CFAP54: variants seen among roughly 807,000 people sequenced by gnomAD.
CFAP54 encodes cilia and flagella associated protein 54.
CFAP54 carries 290 observed loss-of-function variants against 370.4 expected under a neutral mutation model. The observed-to-expected ratio is 0.78, with a 90% CI of 0.71 to 0.86. The LOEUF (loss-of-function observed/expected upper bound fraction) is 0.86, where lower values mean the gene tolerates loss of function less well. Ranked by LOEUF, CFAP54 falls within the 40% of genes least tolerant of loss-of-function variation. The probability of loss-of-function intolerance (pLI) is 0.00; values close to 1 mark genes in which losing one functional copy is unlikely to be tolerated. For synonymous variants in CFAP54, 1,206 were observed against 1,236.5 expected (o/e 0.98, Z 0.52); for missense variants, 3,399 against 3,528.7 (o/e 0.96, Z 0.93).
intron 58 of CFAP54, 23 bp from the exon 59 acceptor site, chr12:96,764,126 CAT>C: frequency 6.7e-7 from 1 of 1,503,492 alleles, no homozygotes; most frequent in Non-Finnish European, 9.2e-7. Context: ...AACTTTATAT[CAT>C]AACACATTTG....
At chr12:96,795,298 G>A (rs1282584260) in intron 63 of CFAP54, among the ~76,000 whole-genome samples, 1 of 152,160 alleles carries the variant, frequency 6.6e-6, no homozygotes, top group African/African-American at 2.4e-5. Flanking sequence ...GGGTTGCCTG[G>A]ATAAATATTT....
intron 65 of CFAP54, among the ~76,000 whole-genome samples, chr12:96,820,724 G>A (rs1800275605): frequency 6.6e-6 from 1 of 152,060 alleles, no homozygotes; most frequent in African/African-American, 2.4e-5. Flanking sequence ...GAGGTTTTAT[G>A]GCTATAACTA....
At chr12:96,675,245 AAAAC>A (rs1470652873) in intron 39 of CFAP54, among the ~76,000 whole-genome samples, 6 of 152,348 alleles carry the variant, frequency 3.9e-5, no homozygotes, top group Middle Eastern at 3.4e-3. Context: ...TTACAAGAAA[AAAAC>A]AAACAACCCC....
rs1958939842 is a variant in CFAP54, at chr12:96,812,739, T to C, written c.8957+897T>C. Among the ~76,000 whole-genome samples the C allele has an allele frequency of 2.6e-5, 4 of 152,254 alleles. No homozygotes were observed. The South Asian group carries it at 8.3e-4, about 31-fold the overall frequency. ...TTTCTCTGTCCTTCCTTTGAGAGTC[T>C]TGTTTATGTTCCATGATTTTCATTT... On this transcript the variant is annotated intron_variant, in intron 64 of 67. Transcript: ENST00000524981.
At chr12:96,510,708 C>A (rs1318835442) in intron 4 of CFAP54, among the ~76,000 whole-genome samples, 1 of 151,878 alleles carries the variant, frequency 6.6e-6, no homozygotes, top group African/African-American at 2.4e-5. Flanking sequence ...TGGTGGCTCA[C>A]GCTTCTCATC....
Position 96,564,543 on chromosome 12 carries a change from A to G in CFAP54, c.2486A>G (p.Asp829Gly). 1.4e-6 allele frequency: 1 copy of G among 696,194 alleles called. No individual in the cohort carries two copies. The highest frequency in any genetic ancestry group is 2.7e-5 in the East Asian group (1 of 36,980). 43.1% of individuals were successfully genotyped at this position (696,194 alleles called of 1,614,324 possible). The change falls in exon 18 of 68, where the codon GAT becomes GGT. Residue 829 changes from aspartate (D) to glycine (G), a missense_variant. Transcript: ENST00000524981. Reference sequence around the variant, plus strand: ...AAGTTAAAACAATCTGGAAGCACTGATTGTTTTACAGGTAATTAAAATTGG... The same window carrying G: ...AAGTTAAAACAATCTGGAAGCACTGGTTGTTTTACAGGTAATTAAAATTGG... ...PEKLKQSGST[D>G]CFTELNIMNK...
At chr12:96,641,586 C>G (rs1320900947) in intron 32 of CFAP54, among the ~76,000 whole-genome samples, 1 of 151,976 alleles carries the variant, frequency 6.6e-6, no homozygotes, top group Non-Finnish European at 1.5e-5. Flanking sequence ...GGGTATATAC[C>G]CAAAGGATTA....
intron 63 of CFAP54, among the ~76,000 whole-genome samples, chr12:96,800,126 A>G (rs1358869761): frequency 6.6e-6 from 1 of 152,232 alleles, no homozygotes; most frequent in Non-Finnish European, 1.5e-5. Flanking sequence ...TCACAAGGTC[A>G]CAGAAACACC....
intron 33 of CFAP54, 139 bp from the exon 34 acceptor site, chr12:96,647,736 G>C: frequency 1.4e-6 from 1 of 690,900 alleles, no homozygotes. Flanking sequence ...GTTGGGCTTT[G>C]ATTAAGTGAC....
In CFAP54 at chr12:96,559,720, G is replaced by A. The variant is rs553009695; in HGVS notation, c.2411-4748G>A. Among the ~76,000 whole-genome samples, 132 of 152,078 alleles carry A rather than the reference G, an allele frequency of 8.7e-4. 1 individual carries two copies. The highest frequency in any genetic ancestry group is 3.0e-3 in the African/African-American group (124 of 41,512). ...TAGGCTGAGAAGTTGCAGACATTAT[G>A]ATATATTTTACCCCTGAAAACTGTA... On this transcript the variant is annotated intron_variant, in intron 17 of 67. Coordinates refer to ENST00000524981, the MANE Select transcript of CFAP54 (RefSeq NM_001306084.2).
chr12:96,635,904 C>G (rs918500205), intron 32 of CFAP54, among the ~76,000 whole-genome samples: 1 of 152,128 alleles, frequency 6.6e-6, no homozygotes, highest in Non-Finnish European at 1.5e-5. Flanking sequence ...CACCACCCTC[C>G]TAGCTTGTGG....
chr12:96,838,853 T>A (rs923844230), intron 66 of CFAP54, among the ~76,000 whole-genome samples: 2 of 152,208 alleles, frequency 1.3e-5, no homozygotes, highest in Non-Finnish European at 2.9e-5. Context: ...TGGATGATTG[T>A]TTTGCACAAA....
At chr12:96,497,935 C>T (rs1221026124) in intron 1 of CFAP54, among the ~76,000 whole-genome samples, 3 of 152,320 alleles carry the variant, frequency 2.0e-5, no homozygotes, top group Middle Eastern at 3.4e-3. Context: ...AACTGAGTAG[C>T]TTTCAATGAA....
chr12:96,557,331 A>C (rs1478292786), intron 17 of CFAP54, among the ~76,000 whole-genome samples: 3 of 152,210 alleles, frequency 2.0e-5, no homozygotes, highest in Non-Finnish European at 4.4e-5. Flanking sequence ...AATAAGCAAA[A>C]GAAAGAAGGA....
At chr12:96,543,233 A>G (rs1362774466) in intron 14 of CFAP54, among the ~76,000 whole-genome samples, 1 of 152,214 alleles carries the variant, frequency 6.6e-6, no homozygotes, top group Non-Finnish European at 1.5e-5. Context: ...AGATTCTGAG[A>G]CAATGATTTG....
rs142147347 is a variant in CFAP54, at chr12:96,781,362, A to G, written c.8282-3355A>G. Among the ~76,000 whole-genome samples, 14 of 152,312 alleles carry G rather than the reference A, an allele frequency of 9.2e-5. 1 individual carries two copies. The East Asian group carries it at 2.7e-3, about 29-fold the overall frequency. On this transcript the variant is annotated intron_variant, in intron 60 of 67. Coordinates refer to ENST00000524981, the MANE Select transcript of CFAP54 (RefSeq NM_001306084.2). ...CTTATTTAGAGACTGGCGTGAGTAA[A>G]AACAATCCATTTGACCTTTGTGCTG...
intron 49 of CFAP54, among the ~76,000 whole-genome samples, chr12:96,718,836 C>T (rs952741495): frequency 6.6e-6 from 1 of 152,138 alleles, no homozygotes; most frequent in Admixed American, 6.5e-5. Context: ...GTCGGGAGTT[C>T]AAGACCAGCC....
chr12:96,712,978 C>T (rs1957631696), intron 48 of CFAP54, among the ~76,000 whole-genome samples: 1 of 151,898 alleles, frequency 6.6e-6, no homozygotes, highest in African/African-American at 2.4e-5. Flanking sequence ...AAATCAAAAC[C>T]ACAATGAGAT....
intron 29 of CFAP54, among the ~76,000 whole-genome samples, chr12:96,626,166 C>T (rs1006441223): frequency 1.3e-5 from 2 of 151,988 alleles, no homozygotes; most frequent in African/African-American, 2.4e-5. Flanking sequence ...GGCAGATCAC[C>T]TGAGGTCAGG....
Sources: gnomAD v4.1 joint callset for allele counts (sites outside exome capture counted in the v4.1 genomes callset) on GRCh38, gnomAD v4.1.1 for gene constraint, MANE v1.5 for transcripts, NCBI Gene and HGNC (gene_info 2026-07-23, HGNC 2026-07-21) for gene names.